The following NCAPH variants were observed in gnomAD, a reference collection of about 807,000 sequenced individuals.
NCAPH encodes non-SMC condensin I complex subunit H.
In NCAPH, 38 loss-of-function variants were observed where a neutral mutation model predicts 85.5. The ratio of observed to expected loss-of-function variants is 0.44; its 90% confidence interval spans 0.34 to 0.58. The LOEUF is 0.58. Ranked by LOEUF, NCAPH falls within the 20% of genes least tolerant of loss-of-function variation. NCAPH has a pLI of 0.01. For missense variants in NCAPH, 789 were observed against 916.6 expected (o/e 0.86, Z 1.80); for synonymous variants, 301 against 335.1 (o/e 0.90, Z 1.11).
chr2:96,344,365 T>G, intron 6 of NCAPH, 136 bp downstream of exon 6: 4 of 924,574 alleles, frequency 4.3e-6, no homozygotes, highest in Non-Finnish European at 6.0e-6. Flanking sequence ...CTGATATCTC[T>G]GCATTATCAT....
At chr2:96,348,590 C>G (rs1395399839) in intron 6 of NCAPH, among the ~76,000 whole-genome samples, 1 of 152,008 alleles carries the variant, frequency 6.6e-6, no homozygotes, top group African/African-American at 2.4e-5. Flanking sequence ...ACGTTCCCTT[C>G]CCTCCCCCAA....
At chr2:96,369,538 T>G in intron 17 of NCAPH, 38 bp downstream of exon 17, 2 of 1,567,692 alleles carry the variant, frequency 1.3e-6, no homozygotes, top group Non-Finnish European at 1.8e-6. Context: ...ATTAGAGTAT[T>G]CCCTGTTTAT....
chr2:96,367,673 A>T (rs780592923), intron 15 of NCAPH, among the ~76,000 whole-genome samples: 1 of 152,202 alleles, frequency 6.6e-6, no homozygotes, highest in Non-Finnish European at 1.5e-5. Context: ...AAACAAAAAT[A>T]AAAGGAAGAC....
chr2:96,353,932 T>C (rs1472916432), intron 8 of NCAPH, among the ~76,000 whole-genome samples: 2 of 152,218 alleles, frequency 1.3e-5, no homozygotes, highest in Non-Finnish European at 2.9e-5. Flanking sequence ...TACAGAATCC[T>C]GTTTCATGTT....
intron 3 of NCAPH, 60 bp from the exon 4 acceptor site, chr2:96,342,696 C>A: frequency 7.6e-7 from 1 of 1,312,234 alleles, no homozygotes. Context: ...TTAAAAGCAG[C>A]ATTATTTACA....
At chr2:96,336,449 C>T (rs1348270613) in intron 1 of NCAPH, among the ~76,000 whole-genome samples, 2 of 152,120 alleles carry the variant, frequency 1.3e-5, no homozygotes, top group South Asian at 2.1e-4. Context: ...GATCTTTAGG[C>T]AGATACTAGG....
chr2:96,370,310 G>A (rs1397868238), intron 17 of NCAPH, among the ~76,000 whole-genome samples: 2 of 152,210 alleles, frequency 1.3e-5, no homozygotes, highest in African/African-American at 4.8e-5. Flanking sequence ...CACCAACACT[G>A]TCAACTCCCC....
intron 6 of NCAPH, among the ~76,000 whole-genome samples, chr2:96,350,859 G>A (rs115460933): frequency 1.7e-3 from 252 of 152,270 alleles, no homozygotes; most frequent in African/African-American, 5.4e-3. Flanking sequence ...ATACCCAACC[G>A]TATCTCCTGT....
In NCAPH at chr2:96,376,882, G is replaced by A. The variant is rs2104524407; in HGVS notation, c.*3531G>A. 6.6e-6 allele frequency among the ~76,000 whole-genome samples: 1 copy of A among 152,240 alleles called. No homozygotes were observed. Among genetic ancestry groups the A allele is most frequent in the Non-Finnish European group, 1.5e-5 (1 of 68,012 alleles). ...CTACTATTTGATAGCACAATAGGGT[G>A]ACTATAGTCAATAATAACAATTGTA... On this transcript the variant is annotated 3_prime_UTR_variant, in exon 18 of 18. Coordinates refer to ENST00000240423, the MANE Select transcript of NCAPH (RefSeq NM_015341.5).
In NCAPH at chr2:96,353,414, G is replaced by C; in HGVS notation, c.1002+17G>C. On this transcript the variant is annotated intron_variant, in intron 8 of 17. Transcript: ENST00000240423. ...CATAATGAGGTGTGGTCAAGTTTTA[G>C]TGGCTCATGGTTTCAGTTAGTTGGC... 1 of 1,605,726 alleles carries C rather than the reference G, an allele frequency of 6.2e-7. No individual in the cohort carries two copies. The highest frequency in any genetic ancestry group is 1.3e-5 in the African/African-American group (1 of 74,870).
rs147593238 is a variant in NCAPH, at chr2:96,354,347, G to A, written c.1167G>A (p.Glu389=). 43 of 1,610,270 alleles carry A rather than the reference G, an allele frequency of 2.7e-5. No individual in the cohort carries two copies. In the African/African-American group the frequency reaches 4.8e-4, roughly 18 times the overall value. The change falls in exon 9 of 18, where the codon GAG becomes GAA. Residue 389 remains glutamate (E), a synonymous_variant. Transcript: ENST00000240423. The part of the protein sequence containing the change: ...PDHTAVGDHE[E]FRSWKEPCQV... ...ACACCGCAGTTGGGGATCATGAAGA[G>A]TTCAGGAGCTGGAAGGAGCCCTGCC... is the stretch of plus-strand genomic sequence containing the variant.
chr2:96,376,873 C>T lies in NCAPH; in HGVS notation c.*3522C>T, dbSNP rs145364351. 1.1e-4 allele frequency among the ~76,000 whole-genome samples: 17 copies of T among 152,030 alleles called. No individual in the cohort carries two copies. The East Asian group carries it at 2.5e-3, about 22-fold the overall frequency. ...GAATAAGATCTACTATTTGATAGCA[C>T]AATAGGGTGACTATAGTCAATAATA... On this transcript the variant is annotated 3_prime_UTR_variant, in exon 18 of 18. Coordinates refer to ENST00000240423, the MANE Select transcript of NCAPH (RefSeq NM_015341.5).
intron 4 of NCAPH, 33 bp downstream of exon 4, chr2:96,342,881 A>C: frequency 6.5e-7 from 1 of 1,546,240 alleles, no homozygotes. Flanking sequence ...CTTGCATCTG[A>C]ATTAAATGAT....
At chr2:96,368,173 C>T (rs1044731176) in intron 15 of NCAPH, among the ~76,000 whole-genome samples, 1 of 152,148 alleles carries the variant, frequency 6.6e-6, no homozygotes, top group African/African-American at 2.4e-5. Flanking sequence ...GAAATGAAAA[C>T]TCATAAGTTG....
chr2:96,347,971 T>C (rs2064383013), intron 6 of NCAPH, among the ~76,000 whole-genome samples: 1 of 151,880 alleles, frequency 6.6e-6, no homozygotes, highest in South Asian at 2.1e-4. Context: ...GAGAGGGAGT[T>C]GTATTTTTTC....
intron 6 of NCAPH, among the ~76,000 whole-genome samples, chr2:96,347,985 A>G (rs1456260643): frequency 6.6e-6 from 1 of 151,830 alleles, no homozygotes; most frequent in African/African-American, 2.4e-5. Flanking sequence ...TTTTTTCCTT[A>G]TGTGTGTGTC....
chr2:96,373,371 G>C lies in NCAPH; in HGVS notation c.*20G>C, dbSNP rs1463978158. ...GATTGAGTTCACTATGGAGAAGTCAGCAGCAGGAGGCCCATCCCTTACTCA... is the reference window on the plus strand; with the variant it reads ...GATTGAGTTCACTATGGAGAAGTCACCAGCAGGAGGCCCATCCCTTACTCA... On this transcript the variant is annotated 3_prime_UTR_variant, in exon 18 of 18. Transcript: ENST00000240423. 1.2e-6 allele frequency: 2 copies of C among 1,607,576 alleles called. No individual in the cohort carries two copies. The highest frequency in any genetic ancestry group is 1.7e-6 in the Non-Finnish European group (2 of 1,174,598).
Position 96,344,202 on chromosome 2 carries a change from T to C in NCAPH, c.693T>C (p.Asn231=), listed in dbSNP as rs1233144793. 3 of 1,612,712 alleles carry C rather than the reference T, an allele frequency of 1.9e-6. No homozygotes were observed. Among genetic ancestry groups the C allele is most frequent in the Non-Finnish European group, 2.5e-6 (3 of 1,179,666 alleles). Residue 231 remains asparagine (N), a synonymous_variant, in exon 6 of 18, where the codon AAT becomes AAC. Coordinates refer to ENST00000240423, the MANE Select transcript of NCAPH (RefSeq NM_015341.5). ...TTGAGCAGAACATAAACAACCTCAA[T>C]GTCTCCGAAGCAGATCGGAAGTGTG... The part of the protein sequence containing the change: ...RTIEQNINNL[N]VSEADRKCEI...
In NCAPH at chr2:96,364,576, T is replaced by C; in HGVS notation, c.1683T>C (p.Phe561=). The part of the protein sequence containing the change: ...DYNNPNDTSN[F]CPGLQAADSD... Reference sequence around the variant, plus strand: ...ACAACCCTAACGACACCTCCAACTTTTGCCCTGGATTACAGGTAAAGGGGG... The same window carrying C: ...ACAACCCTAACGACACCTCCAACTTCTGCCCTGGATTACAGGTAAAGGGGG... Residue 561 remains phenylalanine, a synonymous_variant, in exon 13 of 18, where the codon TTT becomes TTC. Coordinates refer to ENST00000240423, the MANE Select transcript of NCAPH (RefSeq NM_015341.5). The C allele has an allele frequency of 6.2e-7, 1 of 1,610,788 alleles. No homozygotes were observed. Among genetic ancestry groups the C allele is most frequent in the Non-Finnish European group, 8.5e-7 (1 of 1,177,006 alleles).
Sources: allele counts gnomAD v4.1 joint callset (sites outside exome capture counted in the v4.1 genomes callset), GRCh38; gene constraint gnomAD v4.1.1; transcripts MANE v1.5; gene names NCBI Gene and HGNC (gene_info 2026-07-23, HGNC 2026-07-21).